The following LEPR variants were observed in gnomAD, a reference collection of about 807,000 sequenced individuals.
LEPR encodes the protein leptin receptor.
In LEPR, 56 loss-of-function variants were observed where a neutral mutation model predicts 114.7. That is an observed-to-expected ratio of 0.49 (90% confidence interval 0.39 to 0.61). The LOEUF is 0.61. Ranked by LOEUF, LEPR falls within the 20% of genes least tolerant of loss-of-function variation. The pLI is 0.00. For synonymous variants in LEPR, 443 were observed against 461.4 expected (o/e 0.96, Z 0.51); for missense variants, 1,202 against 1,352.9 (o/e 0.89, Z 1.75).
At chr1:65,492,898 C>T (rs987457735) in intron 2 of LEPR, among the ~76,000 whole-genome samples, 12 of 151,286 alleles carry the variant, frequency 7.9e-5, no homozygotes, top group Middle Eastern at 3.2e-3. Flanking sequence ...ATGTGCAGGA[C>T]GTGCAGTTTT....
intron 5 of LEPR, among the ~76,000 whole-genome samples, chr1:65,573,359 G>A (rs1654346285): frequency 6.6e-6 from 1 of 152,196 alleles, no homozygotes. Flanking sequence ...CAGTTCAGGA[G>A]TGCTAGATAT....
At chr1:65,477,902 C>G (rs774288162) in intron 2 of LEPR, among the ~76,000 whole-genome samples, 1 of 152,134 alleles carries the variant, frequency 6.6e-6, no homozygotes, top group Non-Finnish European at 1.5e-5. Context: ...CTCTTCATCC[C>G]TTTAGAGTAG....
chr1:65,580,018 T>G (rs574297936), intron 5 of LEPR, among the ~76,000 whole-genome samples: 6 of 152,174 alleles, frequency 3.9e-5, no homozygotes, highest in Non-Finnish European at 8.8e-5. Context: ...CTTCTTTTAC[T>G]TGGAACCTAG....
chr1:65,431,227 T>C (rs959579103), intron 2 of LEPR, among the ~76,000 whole-genome samples: 1 of 152,214 alleles, frequency 6.6e-6, no homozygotes, highest in Non-Finnish European at 1.5e-5. Context: ...AATACTGCCA[T>C]CATATTTTGT....
chr1:65,435,408 C>T (rs1372093384), intron 2 of LEPR: 1 of 816,026 alleles, frequency 1.2e-6, no homozygotes, highest in East Asian at 1.3e-4. Flanking sequence ...CGCTCTGTTG[C>T]CCAGGCTGGA....
At chr1:65,533,498 T>C (rs1450374703) in intron 2 of LEPR, among the ~76,000 whole-genome samples, 1 of 152,176 alleles carries the variant, frequency 6.6e-6, no homozygotes, top group African/African-American at 2.4e-5. Context: ...TATTTCTTTT[T>C]CCCTTCTACT....
chr1:65,508,299 C>G (rs559640820), intron 2 of LEPR, among the ~76,000 whole-genome samples: 1 of 152,228 alleles, frequency 6.6e-6, no homozygotes, highest in African/African-American at 2.4e-5. Context: ...AGGTTTTCTT[C>G]TAGTAGTTTT....
At chr1:65,600,183 G>A (rs891455120) in intron 8 of LEPR, among the ~76,000 whole-genome samples, 3 of 152,024 alleles carry the variant, frequency 2.0e-5, no homozygotes, top group East Asian at 1.9e-4. Flanking sequence ...AGGTTGTGGC[G>A]CATACTGAAG....
At chr1:65,573,530 G>A (rs1224558983) in intron 5 of LEPR, among the ~76,000 whole-genome samples, 1 of 152,184 alleles carries the variant, frequency 6.6e-6, no homozygotes, top group East Asian at 1.9e-4. Flanking sequence ...AACTCAAACA[G>A]CGAATATGTC....
At chr1:65,463,781 A>G (rs1297064604) in intron 2 of LEPR, among the ~76,000 whole-genome samples, 1 of 152,012 alleles carries the variant, frequency 6.6e-6, no homozygotes, top group East Asian at 1.9e-4. Context: ...TCCTCTTTGT[A>G]TTAATTGTGA....
At chr1:65,446,767 TG>T (rs1384793390) in intron 2 of LEPR, among the ~76,000 whole-genome samples, 2 of 152,236 alleles carry the variant, frequency 1.3e-5, no homozygotes, top group African/African-American at 4.8e-5. Flanking sequence ...AACTGCTAGA[TG>T]ATGTGGGAGT....
At chr1:65,471,135 G>A (rs1280737572) in intron 2 of LEPR, among the ~76,000 whole-genome samples, 2 of 152,178 alleles carry the variant, frequency 1.3e-5, no homozygotes, top group East Asian at 1.9e-4. Context: ...TGATATAAAA[G>A]TTTTTATGTA....
chr1:65,429,896 G>T, intron 2 of LEPR: 1 of 1,512,254 alleles, frequency 6.6e-7, no homozygotes, highest in East Asian at 2.4e-5. Flanking sequence ...GATTTTCCAC[G>T]CCATCTCCCC....
intron 2 of LEPR, among the ~76,000 whole-genome samples, chr1:65,475,009 A>G: frequency 7.3e-6 from 1 of 137,844 alleles, no homozygotes; most frequent in Non-Finnish European, 1.5e-5. Flanking sequence ...TCCATCTCAA[A>G]AAAAAAAAAA....
intron 2 of LEPR, among the ~76,000 whole-genome samples, chr1:65,534,956 T>G (rs1215853811): frequency 6.6e-6 from 1 of 152,188 alleles, no homozygotes; most frequent in East Asian, 1.9e-4. Flanking sequence ...TATTGTAACT[T>G]TAGCCGCTGT....
chr1:65,473,585 T>C (rs1396866258), intron 2 of LEPR, among the ~76,000 whole-genome samples: 1 of 152,216 alleles, frequency 6.6e-6, no homozygotes, highest in Non-Finnish European at 1.5e-5. Context: ...GACATGGATT[T>C]AGGTAGATTT....
Position 65,633,181 on chromosome 1 carries a change from G to A in LEPR, c.2674-3010G>A. 1.9e-6 allele frequency: 3 copies of A among 1,607,534 alleles called. No individual in the cohort carries two copies. Among genetic ancestry groups the A allele is most frequent in the Non-Finnish European group, 2.6e-6 (3 of 1,175,732 alleles). On this transcript the variant is annotated intron_variant, in intron 19 of 19. Transcript: ENST00000349533. The surrounding 1 kb of genome is among the most constrained non-coding windows in gnomAD (Gnocchi z 4.1). ...CGGACATTCTTTGAAGTCTAATCATGATCACTACAGATGAACCCAATGTGC... is the reference window on the plus strand; with the variant it reads ...CGGACATTCTTTGAAGTCTAATCATAATCACTACAGATGAACCCAATGTGC...
intron 2 of LEPR, among the ~76,000 whole-genome samples, chr1:65,530,532 G>A (rs1168097775): frequency 6.6e-6 from 1 of 152,158 alleles, no homozygotes; most frequent in Non-Finnish European, 1.5e-5. Context: ...ACACGGGGTG[G>A]ATTATTCATG....
chr1:65,616,004 A>G lies in LEPR; in HGVS notation c.1996-4A>G. On this transcript the variant is annotated splice_region_variant and splice_polypyrimidine_tract_variant and intron_variant, in intron 14 of 19. Coordinates refer to ENST00000349533, the MANE Select transcript of LEPR (RefSeq NM_002303.6). ...AAACTAATCAATTTCTATATTTACT[A>G]CAGCCCCTGATGAAAAATGACTCAT... The G allele has an allele frequency of 6.2e-7, 1 of 1,614,114 alleles. No homozygotes were observed. Among genetic ancestry groups the G allele is most frequent in the Non-Finnish European group, 8.5e-7 (1 of 1,179,984 alleles).
Sources: gnomAD v4.1 joint callset for allele counts (sites outside exome capture counted in the v4.1 genomes callset) on GRCh38, gnomAD v4.1.1 for gene constraint, Gnocchi (gnomAD v3.1) non-coding constraint, MANE v1.5 for transcripts, NCBI Gene and HGNC (gene_info 2026-07-23, HGNC 2026-07-21) for gene names.